The following DMBX1 variants were observed in gnomAD, a reference collection of about 807,000 sequenced individuals.
DMBX1 encodes the protein diencephalon/mesencephalon homeobox 1.
DMBX1 carries 7 observed loss-of-function variants against 30.4 expected under a neutral mutation model. That is an observed-to-expected ratio of 0.23 (90% CI 0.13 to 0.43). The LOEUF is 0.43. Ranked by LOEUF, DMBX1 falls within the 20% of genes least tolerant of loss-of-function variation. The pLI is 1.00. For synonymous variants in DMBX1, 222 were observed against 214.2 expected, an observed-to-expected ratio of 1.04 and a Z score of -0.32; for missense variants, 460 against 508.5, an observed-to-expected ratio of 0.90 and a Z score of 0.92.
rs1035174913 is a variant in DMBX1 at position 46,491,189 on chromosome 1, C to G, written c.-13+406C>G. ...ATTCGCACCAAATCTGGGGCCCCGA[C>G]TTTTCCTGGATTCCAGCCACACTCG... is the stretch of plus-strand genomic sequence containing the variant. On this transcript the variant is annotated intron_variant, in intron 2 of 5. Coordinates refer to ENST00000360032, the MANE Select transcript of DMBX1 (RefSeq NM_172225.2). This position sits in a 1 kb window ranked among gnomAD's most constrained non-coding sequence, Gnocchi z 5.5. Among the ~76,000 whole-genome samples, 2 of 152,250 alleles carry G rather than the reference C, an allele frequency of 1.3e-5. No homozygotes were observed. Among genetic ancestry groups the G allele is most frequent in the African/African-American group, 4.8e-5 (2 of 41,470 alleles).
At chr1:46,498,233 G>C (rs1319243604) in intron 2 of DMBX1, among the ~76,000 whole-genome samples, 3 of 152,196 alleles carry the variant, frequency 2.0e-5, no homozygotes, top group Non-Finnish European at 4.4e-5. Context: ...TATGTCCTGG[G>C]ACAGAGGAGG....
intron 2 of DMBX1, among the ~76,000 whole-genome samples, 96 bp downstream of exon 2, chr1:46,490,879 C>CGGCA (rs1298043955): frequency 6.6e-6 from 1 of 152,178 alleles, no homozygotes; most frequent in African/African-American, 2.4e-5. Flanking sequence ...CGGCGAGGAA[C>CGGCA]GGCAGGCTGG....
chr1:46,511,197 G>A lies in DMBX1; in HGVS notation c.596G>A (p.Arg199Lys). 6.2e-7 allele frequency: 1 copy of A among 1,613,552 alleles called. No homozygotes were observed. The highest frequency in any genetic ancestry group is 8.5e-7 in the Non-Finnish European group (1 of 1,179,952). Residue 199 changes from arginine (R) to lysine (K), a missense_variant, in exon 5 of 6, where the codon AGG becomes AAG. Physicochemically the swap from Arg to Lys is conservative, Grantham distance 26 (BLOSUM62 2). Transcript: ENST00000360032. ...CAGCCGGACCGTGAGGAGGACCCCA[G>A]GGCAGGGGCTGAGGACCCCAAAGCT... ...EDQPDREEDP[R>K]AGAEDPKAEK...
rs573286147 is a variant in DMBX1, at chr1:46,516,020, A to G, written c.*3526A>G. Among the ~76,000 whole-genome samples the G allele has an allele frequency of 3.3e-5, 5 of 152,316 alleles. No homozygotes were observed. The highest frequency in any genetic ancestry group is 9.6e-5 in the African/African-American group (4 of 41,570). On this transcript the variant is annotated 3_prime_UTR_variant, in exon 6 of 6. Coordinates refer to ENST00000360032, the MANE Select transcript of DMBX1 (RefSeq NM_172225.2). ...GAGGTCGTGCCAGCCCATGGCAAAG[A>G]CACTGTGTACTGTATTTATTTATTC...
At chr1:46,506,090 C>T (rs1277809081) in intron 2 of DMBX1, among the ~76,000 whole-genome samples, 9 of 151,936 alleles carry the variant, frequency 5.9e-5, no homozygotes, top group African/African-American at 2.2e-4. Context: ...CAGGGTCTCG[C>T]TCTGTCGCCC....
rs1403314604 is a variant in DMBX1, at chr1:46,516,085, G to A, written c.*3591G>A. On this transcript the variant is annotated 3_prime_UTR_variant, in exon 6 of 6. Coordinates refer to ENST00000360032, the MANE Select transcript of DMBX1 (RefSeq NM_172225.2). The stretch of plus-strand genomic sequence containing the variant: ...AACAAGACTTAATTCACCCCTGCCT[G>A]TCCCCTCGCCTGCCCCCTGTGTAGT... Among the ~76,000 whole-genome samples the A allele has an allele frequency of 2.0e-5, 3 of 152,212 alleles. No individual in the cohort carries two copies. The highest frequency in any genetic ancestry group is 7.2e-5 in the African/African-American group (3 of 41,452).
Position 46,512,090 on chromosome 1 carries a change from C to T in DMBX1, c.730C>T (p.Leu244Phe). 14 of 1,613,590 alleles carry T rather than the reference C, an allele frequency of 8.7e-6. No homozygotes were observed. The highest frequency in any genetic ancestry group is 1.2e-5 in the Non-Finnish European group (14 of 1,179,930). Residue 244 changes from leucine to phenylalanine, a missense_variant, in exon 6 of 6, where the codon CTC becomes TTC. Coordinates refer to ENST00000360032, the MANE Select transcript of DMBX1 (RefSeq NM_172225.2). This position sits in a 1 kb window ranked among gnomAD's most constrained non-coding sequence, Gnocchi z 4.8. ...TITPVAPGGG[L>F]LGPSHSYSSS... is the part of the protein sequence containing the mutation. ...CACTCCTGTGGCCCCAGGGGGTGGCCTCCTGGGCCCCTCCCACTCCTATTC... is the reference window on the plus strand; with the variant it reads ...CACTCCTGTGGCCCCAGGGGGTGGCTTCCTGGGCCCCTCCCACTCCTATTC...
chr1:46,508,718 C>T (rs990883595), intron 3 of DMBX1, among the ~76,000 whole-genome samples: 4 of 152,194 alleles, frequency 2.6e-5, no homozygotes, highest in Admixed American at 1.3e-4. Context: ...AGGACATGAA[C>T]TCCAAGTGAG....
At chr1:46,500,347 T>C (rs1569885083) in intron 2 of DMBX1, among the ~76,000 whole-genome samples, 2 of 131,398 alleles carry the variant, frequency 1.5e-5, no homozygotes, top group Admixed American at 1.5e-4. Context: ...AAATGTCACT[T>C]ACCACATCAA....
rs912537127 is a variant in DMBX1 at position 46,514,804 on chromosome 1, G to C, written c.*2310G>C. Among the ~76,000 whole-genome samples the C allele has an allele frequency of 7.9e-5, 12 of 152,304 alleles. No individual in the cohort carries two copies. The highest frequency in any genetic ancestry group is 1.2e-4 in the Non-Finnish European group (8 of 68,012). ...CCTGGTTGAATTGCTTTGCAGAGAA[G>C]TCAATGCCCATCACCCTTGATGGGG... is the stretch of plus-strand genomic sequence containing the variant. On this transcript the variant is annotated 3_prime_UTR_variant, in exon 6 of 6. Transcript: ENST00000360032.
chr1:46,511,384 G>A lies in DMBX1; in HGVS notation c.682+101G>A, dbSNP rs538293485. 8.2e-5 allele frequency: 103 copies of A among 1,258,644 alleles called. 1 individual carries two copies. In the African/African-American group the frequency reaches 1.3e-3, roughly 16 times the overall value. The allele number at this position is 1,258,644 out of a possible 1,614,324, so 78.0% of individuals were successfully genotyped here. A position where few individuals can be genotyped will look rare whatever the true frequency, so the allele number is the denominator to read the frequency against. Reference sequence around the variant, plus strand: ...ATCAACTGCCCCTCAGGGGCATGGCGCATCAGAAAGGACTGACCACAGCAG... The same window carrying A: ...ATCAACTGCCCCTCAGGGGCATGGCACATCAGAAAGGACTGACCACAGCAG... On this transcript the variant is annotated intron_variant, in intron 5 of 5. Coordinates refer to ENST00000360032, the MANE Select transcript of DMBX1 (RefSeq NM_172225.2).
At chr1:46,511,660 G>C (rs564295066) in intron 5 of DMBX1, among the ~76,000 whole-genome samples, 1 of 152,272 alleles carries the variant, frequency 6.6e-6, no homozygotes, top group Admixed American at 6.5e-5. Context: ...AAGGAACAGA[G>C]CTCTGGCATG....
chr1:46,494,534 C>T (rs536886916), intron 2 of DMBX1, among the ~76,000 whole-genome samples: 1 of 152,258 alleles, frequency 6.6e-6, no homozygotes, highest in African/African-American at 2.4e-5. Context: ...CTAAGAGCCC[C>T]GACTCCTTCA....
rs143223128 is a variant in DMBX1 at position 46,500,867 on chromosome 1, A to G, written c.-12-6132A>G. ...CTAAACTAATCCTCTCTCGATGGAC[A>G]GTTAGGTTTTCAATTGTTTGCCATC... On this transcript the variant is annotated intron_variant, in intron 2 of 5. Transcript: ENST00000360032. 1.2e-4 allele frequency among the ~76,000 whole-genome samples: 18 copies of G among 152,318 alleles called. 1 individual carries two copies. In the East Asian group the frequency reaches 3.5e-3, roughly 29 times the overall value.
intron 2 of DMBX1, among the ~76,000 whole-genome samples, chr1:46,492,028 C>T (rs1665938627): frequency 6.6e-6 from 1 of 152,212 alleles, no homozygotes; most frequent in African/African-American, 2.4e-5. Context: ...GGGTAAACAC[C>T]TTACCCCACC....
chr1:46,505,560 T>C (rs1254669648), intron 2 of DMBX1, among the ~76,000 whole-genome samples: 2 of 136,228 alleles, frequency 1.5e-5, no homozygotes, highest in African/African-American at 5.5e-5. Flanking sequence ...TGAGATCACA[T>C]GGACACAGGA....
At chr1:46,501,863 A>G (rs1451175295) in intron 2 of DMBX1, among the ~76,000 whole-genome samples, 3 of 152,008 alleles carry the variant, frequency 2.0e-5, no homozygotes, top group African/African-American at 7.3e-5. Flanking sequence ...TATATCATGG[A>G]TATTCCCTTT....
chr1:46,490,949 G>A (rs1022620500), intron 2 of DMBX1, among the ~76,000 whole-genome samples, 166 bp downstream of exon 2: 2 of 152,246 alleles, frequency 1.3e-5, no homozygotes, highest in Non-Finnish European at 1.5e-5. Flanking sequence ...GGGTTGCGAG[G>A]ACTGCCAGGG....
rs1665913765 is a variant in DMBX1, at chr1:46,490,705, G to A, written c.-91G>A. ...TTCTCTCTGGATTGCGATTCTGCAC[G>A]AATTTTCCAGTTGAGGGTGGTTCGG... On this transcript the variant is annotated 5_prime_UTR_variant, in exon 2 of 6. Transcript: ENST00000360032. Among the ~76,000 whole-genome samples the A allele has an allele frequency of 6.6e-6, 1 of 152,272 alleles. No homozygotes were observed. Among genetic ancestry groups the A allele is most frequent in the South Asian group, 2.1e-4 (1 of 4,836 alleles).
Sources: gnomAD v4.1 joint callset for allele counts (sites outside exome capture counted in the v4.1 genomes callset) on GRCh38, gnomAD v4.1.1 for gene constraint, Gnocchi (gnomAD v3.1) non-coding constraint, MANE v1.5 for transcripts, NCBI Gene and HGNC (gene_info 2026-07-23, HGNC 2026-07-21) for gene names.